The following BPIFB4 variants were observed in gnomAD, a reference collection of about 807,000 sequenced individuals.
The protein encoded by BPIFB4 is BPI fold-containing family B member 4.
A neutral mutation model predicts 69.2 loss-of-function variants in BPIFB4; 62 were observed. The ratio of observed to expected loss-of-function variants is 0.90; its 90% CI spans 0.73 to 1.11. The LOEUF is 1.11. Ranked by LOEUF, BPIFB4 falls within the 50% of genes least tolerant of loss-of-function variation. The pLI is 0.00. For synonymous variants in BPIFB4, 330 were observed against 332.7 expected (o/e 0.99, Z 0.09); for missense variants, 789 against 792.0 (o/e 1.00, Z 0.04).
chr20:33,086,032 T>A lies in BPIFB4; in HGVS notation c.794T>A (p.Phe265Tyr). Residue 265 changes from phenylalanine to tyrosine, a missense_variant, in exon 7 of 18, where the codon TTC becomes TAC. Phe to Tyr is a conservative substitution (Grantham distance 22). Transcript: ENST00000375483. ...VAINGKSLIGFLDIAVEVNIT... is the reference protein window; with the variant it reads ...VAINGKSLIGYLDIAVEVNIT... ...TTGGCCTCCTCCAGTCTTATTGGCTTCCTGGACATCGCAGTAGAAGTGAAC... is the reference window on the plus strand; with the variant it reads ...TTGGCCTCCTCCAGTCTTATTGGCTACCTGGACATCGCAGTAGAAGTGAAC... 1 of 1,608,858 alleles carries A rather than the reference T, an allele frequency of 6.2e-7. No individual in the cohort carries two copies. The highest frequency in any genetic ancestry group is 1.1e-5 in the South Asian group (1 of 90,984).
chr20:33,094,641 G>T (rs1033756167), intron 11 of BPIFB4, among the ~76,000 whole-genome samples: 4 of 151,926 alleles, frequency 2.6e-5, no homozygotes, highest in Admixed American at 1.3e-4. Context: ...CAAGTAGCTG[G>T]GATTACAGGC....
chr20:33,092,443 T>A lies in BPIFB4; in HGVS notation c.1144-15T>A. 1 of 1,605,962 alleles carries A rather than the reference T, an allele frequency of 6.2e-7. No individual in the cohort carries two copies. Among genetic ancestry groups the A allele is most frequent in the Non-Finnish European group, 8.5e-7 (1 of 1,173,498 alleles). On this transcript the variant is annotated splice_polypyrimidine_tract_variant and intron_variant, in intron 10 of 17. Coordinates refer to ENST00000375483, the MANE Select transcript of BPIFB4 (RefSeq NM_182519.3). ...TTCTCCCTCCCTGTGACCCCTTTCT[T>A]CTCTTCTCCCCCAGACGCTGGTTGG...
rs1982185847 is a variant in BPIFB4, at chr20:33,109,864, A to AGGGG, written c.1822-1550_1822-1549insGGGG. Among the ~76,000 whole-genome samples, 12 of 152,160 alleles carry AGGGG rather than the reference A, an allele frequency of 7.9e-5. No homozygotes were observed. The South Asian group carries it at 2.3e-3, about 29-fold the overall frequency. Reference sequence around the variant, plus strand: ...AAAGAAAACCTCAGTCCCAGGCTTGACCCTGTAGGCCCCCTGTAAATGGCA... The same window carrying AGGGG: ...AAAGAAAACCTCAGTCCCAGGCTTGAGGGGCCCTGTAGGCCCCCTGTAAATGGCA... On this transcript the variant is annotated intron_variant, in intron 17 of 17. Coordinates refer to ENST00000375483, the MANE Select transcript of BPIFB4 (RefSeq NM_182519.3).
chr20:33,082,323 G>GTTTAT (rs3049372), intron 3 of BPIFB4, among the ~76,000 whole-genome samples: 36 of 151,092 alleles, frequency 2.4e-4, no homozygotes, highest in East Asian at 1.7e-3. Context: ...ACATAAGAAA[G>GTTTAT]TTTATTTTAT....
intron 14 of BPIFB4, among the ~76,000 whole-genome samples, chr20:33,100,734 G>A (rs1981886495): frequency 6.6e-6 from 1 of 152,242 alleles, no homozygotes; most frequent in South Asian, 2.1e-4. Context: ...TGATGCTGGG[G>A]TGTGGGCACA....
chr20:33,095,302 G>T, intron 12 of BPIFB4, 149 bp downstream of exon 12: 1 of 868,466 alleles, frequency 1.2e-6, no homozygotes, highest in East Asian at 2.5e-5. Flanking sequence ...ACAAGGGCTT[G>T]CAGGCTAGAC....
At chr20:33,094,916 G>A (rs1318556724) in intron 11 of BPIFB4, among the ~76,000 whole-genome samples, 184 bp from the exon 12 acceptor site, 4 of 152,168 alleles carry the variant, frequency 2.6e-5, no homozygotes, top group African/African-American at 4.8e-5. Context: ...AACTGGCTAC[G>A]GTGATCTGCG....
In BPIFB4 at chr20:33,111,614, C is replaced by G. The variant is rs1057370924; in HGVS notation, c.*177C>G. The stretch of plus-strand genomic sequence containing the variant: ...CCCTGAGAAAGGGTCCAGCCACTAC[C>G]CTGTTGGCAAACATTCCCTTCCATG... On this transcript the variant is annotated 3_prime_UTR_variant, in exon 18 of 18. Transcript: ENST00000375483. 23 of 715,878 alleles carry G rather than the reference C, an allele frequency of 3.2e-5. No homozygotes were observed. The highest frequency in any genetic ancestry group is 5.3e-5 in the Non-Finnish European group (23 of 436,372). 44.3% of individuals were successfully genotyped at this position (715,878 alleles called of 1,614,324 possible).
At chr20:33,109,205 C>G (rs186782102) in intron 17 of BPIFB4, among the ~76,000 whole-genome samples, 1 of 152,092 alleles carries the variant, frequency 6.6e-6, no homozygotes, top group Non-Finnish European at 1.5e-5. Context: ...AGAAATTAAA[C>G]GAGATACAGC....
At chr20:33,103,049 T>C (rs773942624) in intron 15 of BPIFB4, 35 bp downstream of exon 15, 1 of 1,603,062 alleles carries the variant, frequency 6.2e-7, no homozygotes, top group Admixed American at 1.7e-5. Context: ...GGCAAGATCT[T>C]CTGGGAAGGA....
intron 14 of BPIFB4, 102 bp from the exon 15 acceptor site, chr20:33,102,868 ATC>A: frequency 8.7e-7 from 1 of 1,147,282 alleles, no homozygotes; most frequent in Non-Finnish European, 1.3e-6. Context: ...GTGGAGAGTG[ATC>A]GTGAGGATAG....
In BPIFB4 at chr20:33,111,335, G is replaced by A. The variant is rs894638207; in HGVS notation, c.1822-79G>A. On this transcript the variant is annotated intron_variant, in intron 17 of 17. Coordinates refer to ENST00000375483, the MANE Select transcript of BPIFB4 (RefSeq NM_182519.3). The stretch of plus-strand genomic sequence containing the variant: ...TGCTTCCTAGAAACATGACCGGCCA[G>A]ATCCGTAGGCAGGTGAGTAGCAAGG... 10 of 1,577,010 alleles carry A rather than the reference G, an allele frequency of 6.3e-6. No homozygotes were observed. In the African/African-American group the frequency reaches 1.3e-4, roughly 21 times the overall value.
At chr20:33,096,169 G>T (rs1981748387) in intron 12 of BPIFB4, among the ~76,000 whole-genome samples, 1 of 152,188 alleles carries the variant, frequency 6.6e-6, no homozygotes, top group African/African-American at 2.4e-5. Context: ...AACAGTGGCA[G>T]CTCCAGCCAG....
intron 16 of BPIFB4, 148 bp downstream of exon 16, chr20:33,105,021 A>C: frequency 1.4e-6 from 1 of 724,574 alleles, no homozygotes; most frequent in Non-Finnish European, 2.1e-6. Context: ...AAGCCTCCAA[A>C]TCCAAACGTG....
chr20:33,092,754 G>A, intron 11 of BPIFB4, 96 bp downstream of exon 11: 1 of 1,210,964 alleles, frequency 8.3e-7, no homozygotes. Flanking sequence ...TTGCTGTGAA[G>A]TGAGAACTGC....
At chr20:33,088,730 C>CT in intron 7 of BPIFB4, among the ~76,000 whole-genome samples, 1 of 152,222 alleles carries the variant, frequency 6.6e-6, no homozygotes, top group Non-Finnish European at 1.5e-5. Flanking sequence ...GCTCCAGACA[C>CT]TTTGTTTATT....
intron 8 of BPIFB4, 84 bp downstream of exon 8, chr20:33,089,113 G>C: frequency 6.3e-7 from 1 of 1,598,606 alleles, no homozygotes; most frequent in South Asian, 1.1e-5. Context: ...ATCCCTGGGG[G>C]CCTGCAGGTA....
intron 14 of BPIFB4, among the ~76,000 whole-genome samples, chr20:33,100,934 T>C (rs2146413637): frequency 6.6e-6 from 1 of 152,228 alleles, no homozygotes; most frequent in South Asian, 2.1e-4. Flanking sequence ...CATGTGCCTG[T>C]AATCCCAGCT....
At chr20:33,105,117 G>A (rs951101631) in intron 16 of BPIFB4, among the ~76,000 whole-genome samples, 10 of 151,822 alleles carry the variant, frequency 6.6e-5, no homozygotes, top group African/African-American at 1.9e-4. Flanking sequence ...TGAAAATTCC[G>A]ATTATGTATT....
Sources: gnomAD v4.1 joint callset for allele counts (sites outside exome capture counted in the v4.1 genomes callset) on GRCh38, gnomAD v4.1.1 for gene constraint, MANE v1.5 for transcripts, NCBI Gene and HGNC (gene_info 2026-07-23, HGNC 2026-07-21) for gene names.